Variants in EDIL3 observed in about 807,000 individuals in gnomAD.
EDIL3 encodes the protein EGF like and discoidin domains 3, also known as EGF-like repeat and discoidin I-like domain-containing protein 3.
A neutral mutation model predicts 67.4 loss-of-function variants in EDIL3; 37 were observed. That is an observed-to-expected ratio of 0.55 (90% CI 0.42 to 0.72). EDIL3 has a LOEUF of 0.72. Among genes scored for constraint, EDIL3 ranks in the 30% least tolerant of loss-of-function variants. EDIL3 has a pLI of 0.00. For synonymous variants in EDIL3, 195 were observed against 196.3 expected, an observed-to-expected ratio of 0.99 and a Z score of 0.05; for missense variants, 527 against 586.3, an observed-to-expected ratio of 0.90 and a Z score of 1.04.
chr5:83,984,985 A>C (rs1745034763), intron 9 of EDIL3, among the ~76,000 whole-genome samples: 1 of 151,114 alleles, frequency 6.6e-6, no homozygotes, highest in Non-Finnish European at 1.5e-5. Context: ...ACACCCCATA[A>C]ACATGCACGC....
intron 1 of EDIL3, among the ~76,000 whole-genome samples, chr5:84,357,322 G>C (rs1368016968): frequency 6.6e-6 from 1 of 151,968 alleles, no homozygotes; most frequent in Non-Finnish European, 1.5e-5. Flanking sequence ...TGTGGTCCAT[G>C]TTTGCCTCAT....
At chr5:84,285,699 AATATG>A (rs1245138714) in intron 1 of EDIL3, among the ~76,000 whole-genome samples, 12 of 152,226 alleles carry the variant, frequency 7.9e-5, no homozygotes, top group African/African-American at 2.9e-4. Flanking sequence ...TGTAGTTACT[AATATG>A]TTTGGTCACA....
At chr5:84,081,052 TA>T in intron 6 of EDIL3, among the ~76,000 whole-genome samples, 1 of 152,230 alleles carries the variant, frequency 6.6e-6, no homozygotes, top group East Asian at 1.9e-4. Context: ...CTGCACCTGG[TA>T]AAACTTCCAA....
intron 4 of EDIL3, among the ~76,000 whole-genome samples, chr5:84,148,005 T>C (rs548812825): frequency 6.6e-6 from 1 of 152,218 alleles, no homozygotes; most frequent in Non-Finnish European, 1.5e-5. Flanking sequence ...AAAAATGATG[T>C]CCTAAATGAG....
intron 5 of EDIL3, among the ~76,000 whole-genome samples, chr5:84,130,775 A>T (rs1026261249): frequency 2.0e-5 from 3 of 152,160 alleles, no homozygotes; most frequent in Non-Finnish European, 2.9e-5. Context: ...TAACAGTGAC[A>T]TCTTACAATA....
chr5:84,342,568 C>T (rs1023239605), intron 1 of EDIL3, among the ~76,000 whole-genome samples: 1 of 151,964 alleles, frequency 6.6e-6, no homozygotes, highest in Admixed American at 6.6e-5. Flanking sequence ...TAGATTTATA[C>T]AAATTAAAGA....
intron 2 of EDIL3, among the ~76,000 whole-genome samples, chr5:84,249,479 ATGTC>A (rs201166727): frequency 0.012 from 1,793 of 149,764 alleles, 16 homozygotes; most frequent in Non-Finnish European, 0.015. Context: ...GTCTGTATGT[ATGTC>A]TGTCTGTCTA....
chr5:84,056,300 A>C (rs1289698915), intron 9 of EDIL3, among the ~76,000 whole-genome samples: 2 of 151,442 alleles, frequency 1.3e-5, no homozygotes, highest in African/African-American at 4.9e-5. Context: ...GAAGGGGTAC[A>C]TCATATACCG....
intron 5 of EDIL3, among the ~76,000 whole-genome samples, chr5:84,114,040 C>A (rs1747620544): frequency 6.6e-6 from 1 of 151,794 alleles, no homozygotes; most frequent in Non-Finnish European, 1.5e-5. Flanking sequence ...TTATTCCTAG[C>A]ATTTGTTTTA....
At chr5:84,364,318 C>G (rs1747683865) in intron 1 of EDIL3, among the ~76,000 whole-genome samples, 1 of 152,066 alleles carries the variant, frequency 6.6e-6, no homozygotes, top group African/African-American at 2.4e-5. Context: ...CAGAATTTGC[C>G]CAGTCACAAG....
chr5:84,011,640 T>A (rs773269262), intron 9 of EDIL3, among the ~76,000 whole-genome samples: 1 of 152,150 alleles, frequency 6.6e-6, no homozygotes, highest in Non-Finnish European at 1.5e-5. Flanking sequence ...TGCATACCTC[T>A]CCAATGTCAT....
At chr5:83,966,734 G>A (rs1744697640) in intron 9 of EDIL3, among the ~76,000 whole-genome samples, 1 of 152,068 alleles carries the variant, frequency 6.6e-6, no homozygotes, top group African/African-American at 2.4e-5. Context: ...GTGTACAGAA[G>A]TAGGTATAGC....
intron 9 of EDIL3, among the ~76,000 whole-genome samples, chr5:83,966,064 T>C (rs1485281134): frequency 1.3e-5 from 2 of 152,074 alleles, no homozygotes; most frequent in African/African-American, 4.8e-5. Context: ...TAGGACCTAA[T>C]TCTTGACCCT....
chr5:84,348,903 T>C (rs1333308198), intron 1 of EDIL3, among the ~76,000 whole-genome samples: 1 of 152,216 alleles, frequency 6.6e-6, no homozygotes, highest in African/African-American at 2.4e-5. Context: ...ATAAAAATCA[T>C]ATTTAATTAC....
At chr5:84,207,828 A>T (rs1163507497) in intron 3 of EDIL3, among the ~76,000 whole-genome samples, 1 of 151,304 alleles carries the variant, frequency 6.6e-6, no homozygotes, top group Non-Finnish European at 1.5e-5. Flanking sequence ...TGGTGCTGGG[A>T]AAACTGGCTA....
chr5:84,358,782 T>G (rs1399252834), intron 1 of EDIL3, among the ~76,000 whole-genome samples: 1 of 151,886 alleles, frequency 6.6e-6, no homozygotes, highest in Non-Finnish European at 1.5e-5. Context: ...GCTAATTTTT[T>G]GTATTTTTTA....
chr5:84,157,021 T>C (rs1748504454), intron 4 of EDIL3, among the ~76,000 whole-genome samples: 1 of 152,132 alleles, frequency 6.6e-6, no homozygotes, highest in Admixed American at 6.6e-5. Context: ...CATTTTTTCA[T>C]GCCAGAAATT....
intron 1 of EDIL3, among the ~76,000 whole-genome samples, chr5:84,334,374 C>A (rs1397091395): frequency 2.0e-5 from 3 of 151,884 alleles, no homozygotes; most frequent in Non-Finnish European, 4.4e-5. Context: ...AGAAGAGATG[C>A]AATATTTTAT....
At chr5:84,339,560 T>C (rs1747056798) in intron 1 of EDIL3, among the ~76,000 whole-genome samples, 1 of 152,024 alleles carries the variant, frequency 6.6e-6, no homozygotes, top group African/African-American at 2.4e-5. Flanking sequence ...ACTTATATAG[T>C]TGAGTGACTT....
Sources: gnomAD v4.1 joint callset for allele counts (sites outside exome capture counted in the v4.1 genomes callset) on GRCh38, gnomAD v4.1.1 for gene constraint, MANE v1.5 for transcripts, NCBI Gene and HGNC (gene_info 2026-07-23, HGNC 2026-07-21) for gene names.